SLC1A2: variants seen among roughly 807,000 people sequenced by gnomAD.
SLC1A2 encodes solute carrier family 1 member 2.
In SLC1A2, 15 loss-of-function variants were observed where a neutral mutation model predicts 48.8. That is an observed-to-expected ratio of 0.31 (90% confidence interval 0.21 to 0.47). The LOEUF (loss-of-function observed/expected upper bound fraction) is 0.47, where lower values mean the gene tolerates loss of function less well. Among genes scored for constraint, SLC1A2 ranks in the 20% least tolerant of loss-of-function variants. The probability of loss-of-function intolerance (pLI) is 0.99; values close to 1 mark genes in which losing one functional copy is unlikely to be tolerated. For synonymous variants in SLC1A2, 279 were observed against 272.6 expected (o/e 1.02, Z -0.23); for missense variants, 502 against 730.5 (o/e 0.69, Z 3.61).
chr11:35,280,004 A>G (rs1252414334), intron 9 of SLC1A2, among the ~76,000 whole-genome samples: 1 of 152,136 alleles, frequency 6.6e-6, no homozygotes, highest in Non-Finnish European at 1.5e-5. Flanking sequence ...AAACGTACCC[A>G]TTTTAAGTGT....
chr11:35,394,788 C>T (rs1854900387), intron 1 of SLC1A2, among the ~76,000 whole-genome samples: 1 of 152,172 alleles, frequency 6.6e-6, no homozygotes, highest in Non-Finnish European at 1.5e-5. Context: ...ACTGTTAAGC[C>T]GTTGGGCACG....
intron 9 of SLC1A2, among the ~76,000 whole-genome samples, chr11:35,272,868 G>T (rs764432910): frequency 6.6e-6 from 1 of 152,106 alleles, no homozygotes. Flanking sequence ...TGAGAGAGGG[G>T]CTTGACCGAG....
At chr11:35,271,957 A>G (rs1270889845) in intron 9 of SLC1A2, among the ~76,000 whole-genome samples, 1 of 152,222 alleles carries the variant, frequency 6.6e-6, no homozygotes, top group African/African-American at 2.4e-5. Context: ...AAAAATGGAA[A>G]GTGAAGTGAA....
intron 7 of SLC1A2, among the ~76,000 whole-genome samples, chr11:35,288,184 G>T (rs887648221): frequency 6.6e-6 from 1 of 152,150 alleles, no homozygotes; most frequent in African/African-American, 2.4e-5. Flanking sequence ...CTAGGGATGC[G>T]AGATGTGCAT....
chr11:35,361,227 C>T (rs114630165), intron 1 of SLC1A2, among the ~76,000 whole-genome samples: 2,927 of 152,140 alleles, frequency 0.019, 98 homozygotes, highest in African/African-American at 0.067. Context: ...ACAGAGCTGC[C>T]CACTTTTGGA....
chr11:35,356,716 A>G (rs72938898), intron 1 of SLC1A2, among the ~76,000 whole-genome samples: 3,311 of 152,326 alleles, frequency 0.022, 59 homozygotes, highest in Non-Finnish European at 0.031. Flanking sequence ...ACAAATGTAA[A>G]ATCTCTGACA....
intron 10 of SLC1A2, chr11:35,265,185 T>A (rs1463283425): frequency 2.9e-6 from 1 of 349,964 alleles, no homozygotes; most frequent in Admixed American, 4.4e-5. Flanking sequence ...CCTCGTGATC[T>A]GCCCGCCTCG....
intron 1 of SLC1A2, among the ~76,000 whole-genome samples, chr11:35,318,466 C>T (rs1038168449): frequency 3.3e-5 from 5 of 152,174 alleles, no homozygotes; most frequent in Admixed American, 1.3e-4. Flanking sequence ...CCTTTCACAC[C>T]TAGAAAGAGA....
intron 9 of SLC1A2, among the ~76,000 whole-genome samples, chr11:35,277,640 T>C (rs1340165024): frequency 6.6e-6 from 1 of 152,222 alleles, no homozygotes; most frequent in Non-Finnish European, 1.5e-5. Flanking sequence ...GGCAATATTG[T>C]CACAGCAGGC....
chr11:35,251,844 C>T lies in SLC1A2; in HGVS notation c.*9050G>A, dbSNP rs1158133926. On this transcript the variant is annotated 3_prime_UTR_variant, in exon 11 of 11. Coordinates refer to ENST00000278379, the MANE Select transcript of SLC1A2 (RefSeq NM_004171.4). ...GGTTCCCTATAGCACATGGCTAGTT[C>T]TTCTCTGTCCTTGGGGAGGAGAAAG... 2 of 152,608 alleles carry T rather than the reference C, an allele frequency of 1.3e-5. No homozygotes were observed. The highest frequency in any genetic ancestry group is 4.8e-5 in the African/African-American group (2 of 41,436). The allele number at this position is 152,608 out of a possible 1,614,324, so 9.5% of individuals were successfully genotyped here.
chr11:35,271,700 G>A (rs538668585), intron 9 of SLC1A2, among the ~76,000 whole-genome samples: 3 of 152,038 alleles, frequency 2.0e-5, no homozygotes, highest in Admixed American at 2.0e-4. Flanking sequence ...AAAATTAGCC[G>A]GGTGTGGTGT....
intron 1 of SLC1A2, among the ~76,000 whole-genome samples, chr11:35,369,403 C>A (rs910298658): frequency 9.2e-5 from 14 of 152,200 alleles, no homozygotes; most frequent in Admixed American, 5.2e-4. Flanking sequence ...ATCAGCTTAC[C>A]AAGCTCCAGG....
intron 1 of SLC1A2, among the ~76,000 whole-genome samples, chr11:35,342,786 T>C (rs1590209032): frequency 9.4e-6 from 1 of 106,278 alleles, no homozygotes; most frequent in Non-Finnish European, 1.9e-5. Context: ...AGACCTTGTC[T>C]CAAAAAAATA....
At chr11:35,373,596 T>A (rs1191210311) in intron 1 of SLC1A2, among the ~76,000 whole-genome samples, 2 of 151,528 alleles carry the variant, frequency 1.3e-5, no homozygotes, top group South Asian at 2.1e-4. Context: ...AGAAAATGAG[T>A]AGATGTGAAA....
chr11:35,331,923 C>T (rs1248643726), intron 1 of SLC1A2, among the ~76,000 whole-genome samples: 3 of 152,118 alleles, frequency 2.0e-5, no homozygotes, highest in African/African-American at 7.2e-5. Flanking sequence ...GGGCCCTGTC[C>T]ATGTTAGGTG....
intron 1 of SLC1A2, among the ~76,000 whole-genome samples, chr11:35,405,076 T>TCGCACTGTGAGGACC (rs1327603803): frequency 1.3e-5 from 2 of 152,182 alleles, no homozygotes; most frequent in African/African-American, 4.8e-5. Flanking sequence ...CTGTGAGGAC[T>TCGCACTGTGAGGACC]CGCAGAGTCA....
intron 10 of SLC1A2, chr11:35,261,542 C>A (rs2134590510): frequency 2.5e-6 from 1 of 396,654 alleles, no homozygotes; most frequent in East Asian, 3.6e-5. Context: ...TACTTCAATG[C>A]AGACATTTAA....
Position 35,252,829 on chromosome 11 carries a change from C to A in SLC1A2, c.*8065G>T, listed in dbSNP as rs538294295. 2 of 152,784 alleles carry A rather than the reference C, an allele frequency of 1.3e-5. No individual in the cohort carries two copies. Among genetic ancestry groups the A allele is most frequent in the East Asian group, 1.9e-4 (1 of 5,188 alleles). 9.5% of individuals were successfully genotyped at this position (152,784 alleles called of 1,614,324 possible). On this transcript the variant is annotated 3_prime_UTR_variant, in exon 11 of 11. Transcript: ENST00000278379. ...CCTAGATACCTACATTATAGCTACA[C>A]AAAGTGCATAGGCACTGTTCTTCAT...
intron 1 of SLC1A2, among the ~76,000 whole-genome samples, chr11:35,397,334 T>G (rs1270336976): frequency 1.4e-5 from 2 of 143,032 alleles, no homozygotes; most frequent in Admixed American, 7.1e-5. Flanking sequence ...AACAGAGATA[T>G]AGATCAATGG....
Sources: gnomAD v4.1 joint callset for allele counts (sites outside exome capture counted in the v4.1 genomes callset) on GRCh38, gnomAD v4.1.1 for gene constraint, MANE v1.5 for transcripts, NCBI Gene and HGNC (gene_info 2026-07-23, HGNC 2026-07-21) for gene names.